Variants in ZMAT4 observed in about 807,000 individuals in gnomAD.
ZMAT4 encodes zinc finger matrin-type 4.
A neutral mutation model predicts 28.7 loss-of-function variants in ZMAT4; 17 were observed. That is an observed-to-expected ratio of 0.59 (90% CI 0.41 to 0.89). The LOEUF is 0.89. Ranked by LOEUF, ZMAT4 falls within the 40% of genes least tolerant of loss-of-function variation. The pLI, the probability that ZMAT4 is intolerant of heterozygous loss-of-function variation, is 0.00. For missense variants in ZMAT4, 240 were observed against 283.8 expected (o/e 0.85, Z 1.11); for synonymous variants, 117 against 109.2 (o/e 1.07, Z -0.44).
At position 40,548,292 on chromosome 8, in the gene ZMAT4, A is replaced by T. The variant is rs938429733; in HGVS notation, c.675-16054T>A. Reference sequence around the variant, plus strand: ...AGATTTAGTGCATTAAAAGAAGATTAAAAAAAAACAGAGAAGGAGGAGGAA... The same window carrying T: ...AGATTTAGTGCATTAAAAGAAGATTTAAAAAAAACAGAGAAGGAGGAGGAA... On this transcript the variant is annotated intron_variant, in intron 6 of 6. Coordinates refer to ENST00000297737, the MANE Select transcript of ZMAT4 (RefSeq NM_024645.3). Among the ~76,000 whole-genome samples, 18 of 151,238 alleles carry T rather than the reference A, an allele frequency of 1.2e-4. No individual in the cohort carries two copies. In the East Asian group the frequency reaches 1.4e-3, roughly 11 times the overall value.
intron 3 of ZMAT4, among the ~76,000 whole-genome samples, chr8:40,700,362 A>AAT (rs1210720521): frequency 6.7e-6 from 1 of 149,504 alleles, no homozygotes; most frequent in African/African-American, 2.5e-5. Flanking sequence ...GTCGTACCAG[A>AAT]ATCTGTCTTC....
chr8:40,598,891 G>A (rs890442622), intron 5 of ZMAT4, among the ~76,000 whole-genome samples: 1 of 152,146 alleles, frequency 6.6e-6, no homozygotes, highest in African/African-American at 2.4e-5. Flanking sequence ...CAGCCAGTAC[G>A]AATGTCTGCT....
At chr8:40,883,161 G>C (rs1818338706) in intron 1 of ZMAT4, among the ~76,000 whole-genome samples, 1 of 152,162 alleles carries the variant, frequency 6.6e-6, no homozygotes, top group South Asian at 2.1e-4. Flanking sequence ...AGCAAATGCT[G>C]TGTGTCCCTT....
At chr8:40,562,347 G>T (rs1307832505) in intron 6 of ZMAT4, among the ~76,000 whole-genome samples, 3 of 152,136 alleles carry the variant, frequency 2.0e-5, no homozygotes, top group Non-Finnish European at 4.4e-5. Context: ...ATTATCAGTG[G>T]TTCCTCAGAG....
chr8:40,742,664 C>T (rs1812055974), intron 3 of ZMAT4, among the ~76,000 whole-genome samples: 1 of 151,960 alleles, frequency 6.6e-6, no homozygotes, highest in South Asian at 2.1e-4. Flanking sequence ...TTCATACATT[C>T]TTGAAGAATC....
At chr8:40,601,543 G>C (rs2118617462) in intron 5 of ZMAT4, among the ~76,000 whole-genome samples, 1 of 134,986 alleles carries the variant, frequency 7.4e-6, no homozygotes, top group South Asian at 2.5e-4. Flanking sequence ...AAGGGGAAGG[G>C]GGAGTGAGAA....
chr8:40,719,730 C>T lies in ZMAT4; in HGVS notation c.193-22329G>A, dbSNP rs539118763. On this transcript the variant is annotated intron_variant, in intron 3 of 6. Transcript: ENST00000297737. The stretch of plus-strand genomic sequence containing the variant: ...GACTACAGGTGTCCACCACCACACC[C>T]TGCTAATTTTTGTATTTTTTAGTAG... 3.9e-5 allele frequency among the ~76,000 whole-genome samples: 6 copies of T among 152,200 alleles called. No homozygotes were observed. The East Asian group carries it at 9.7e-4, about 25-fold the overall frequency.
chr8:40,554,036 A>T (rs1160335400), intron 6 of ZMAT4, among the ~76,000 whole-genome samples: 1 of 152,146 alleles, frequency 6.6e-6, no homozygotes, highest in Non-Finnish European at 1.5e-5. Context: ...TTATACATAT[A>T]CATGTCTTGT....
intron 3 of ZMAT4, among the ~76,000 whole-genome samples, chr8:40,701,506 A>ATTT (rs58912869): frequency 1.9e-4 from 14 of 73,936 alleles, no homozygotes; most frequent in South Asian, 6.0e-4. Context: ...ACTATGCAGA[A>ATTT]TTTTTTTTTT....
At chr8:40,686,954 C>G (rs1292660995) in intron 4 of ZMAT4, among the ~76,000 whole-genome samples, 1 of 151,998 alleles carries the variant, frequency 6.6e-6, no homozygotes, top group Non-Finnish European at 1.5e-5. Flanking sequence ...CATTGCTGGG[C>G]TGTGAAGAAC....
intron 1 of ZMAT4, among the ~76,000 whole-genome samples, chr8:40,826,379 T>A (rs1166871510): frequency 6.6e-6 from 1 of 152,178 alleles, no homozygotes; most frequent in African/African-American, 2.4e-5. Context: ...TATAGATGCA[T>A]TAAAAAACAT....
chr8:40,666,293 T>C (rs1808410418), intron 5 of ZMAT4, among the ~76,000 whole-genome samples: 2 of 152,176 alleles, frequency 1.3e-5, no homozygotes, highest in South Asian at 4.1e-4. Context: ...AAGATAAGAC[T>C]TTTTTCTTAT....
intron 1 of ZMAT4, among the ~76,000 whole-genome samples, chr8:40,833,697 C>T (rs1011709031): frequency 6.6e-6 from 1 of 152,148 alleles, no homozygotes; most frequent in Non-Finnish European, 1.5e-5. Context: ...CTTTCATTCA[C>T]ACACCACCTG....
At chr8:40,614,172 A>G (rs1010449151) in intron 5 of ZMAT4, among the ~76,000 whole-genome samples, 4 of 152,128 alleles carry the variant, frequency 2.6e-5, no homozygotes, top group African/African-American at 4.8e-5. Context: ...CTGGGTTTGC[A>G]CCTTGCAAAG....
chr8:40,803,252 T>C (rs375389937), intron 2 of ZMAT4, among the ~76,000 whole-genome samples: 6 of 152,182 alleles, frequency 3.9e-5, no homozygotes, highest in African/African-American at 1.4e-4. Flanking sequence ...AAATTTCTAT[T>C]GTGTGAAAAA....
intron 1 of ZMAT4, among the ~76,000 whole-genome samples, chr8:40,835,385 T>TG (rs1315227130): frequency 6.6e-6 from 1 of 152,122 alleles, no homozygotes; most frequent in African/African-American, 2.4e-5. Context: ...TTTTAAAGAA[T>TG]AGGCTCCTAC....
intron 6 of ZMAT4, among the ~76,000 whole-genome samples, chr8:40,532,723 T>G (rs968741015): frequency 6.6e-6 from 1 of 152,004 alleles, no homozygotes; most frequent in Non-Finnish European, 1.5e-5. Context: ...CTGGGCCAGG[T>G]GCAGTGGCTC....
At chr8:40,546,997 G>A (rs1803223561) in intron 6 of ZMAT4, among the ~76,000 whole-genome samples, 1 of 152,032 alleles carries the variant, frequency 6.6e-6, no homozygotes, top group African/African-American at 2.4e-5. Context: ...GCAACAATAT[G>A]GAAATGCAAT....
chr8:40,586,966 G>A (rs925426623), intron 5 of ZMAT4, among the ~76,000 whole-genome samples: 8 of 152,116 alleles, frequency 5.3e-5, no homozygotes, highest in African/African-American at 1.4e-4. Context: ...CAGAGTTCTC[G>A]GAGAAGTGTG....
Sources: gnomAD v4.1 joint callset for allele counts (sites outside exome capture counted in the v4.1 genomes callset) on GRCh38, gnomAD v4.1.1 for gene constraint, MANE v1.5 for transcripts, NCBI Gene and HGNC (gene_info 2026-07-23, HGNC 2026-07-21) for gene names.